CMIP: variants seen among roughly 807,000 people sequenced by gnomAD.
The protein encoded by CMIP is c-Maf inducing protein.
In CMIP, 13 loss-of-function variants were observed where a neutral mutation model predicts 97.3. The ratio of observed to expected loss-of-function variants is 0.13; its 90% confidence interval spans 0.09 to 0.21. The LOEUF (loss-of-function observed/expected upper bound fraction) is 0.21, where lower values mean the gene tolerates loss of function less well. CMIP is among the 10% of genes least tolerant of loss of function. CMIP has a pLI of 1.00. For missense variants in CMIP, 847 were observed against 1,024.9 expected, an observed-to-expected ratio of 0.83 and a Z score of 2.37; for synonymous variants, 538 against 436.3, an observed-to-expected ratio of 1.23 and a Z score of -2.91.
In CMIP at chr16:81,576,593, C is replaced by T. The variant is rs139560698; in HGVS notation, c.301-30974C>T. ...AGGTCCAGTAGGTTGCTCAGGGATA[C>T]GTAGCCAATGAGAGGCAGAGCCAGG... On this transcript the variant is annotated intron_variant, in intron 1 of 20. Transcript: ENST00000537098. Among the ~76,000 whole-genome samples, 9 of 152,214 alleles carry T rather than the reference C, an allele frequency of 5.9e-5. No homozygotes were observed. In the South Asian group the frequency reaches 6.2e-4, roughly 11 times the overall value.
At chr16:81,699,327 T>C (rs1316932299) in intron 14 of CMIP, among the ~76,000 whole-genome samples, 1 of 152,264 alleles carries the variant, frequency 6.6e-6, no homozygotes, top group Non-Finnish European at 1.5e-5. Flanking sequence ...TAGTCAGCTT[T>C]TATTGCATTT....
At chr16:81,548,651 A>G (rs2090595438) in intron 1 of CMIP, among the ~76,000 whole-genome samples, 1 of 151,236 alleles carries the variant, frequency 6.6e-6, no homozygotes, top group African/African-American at 2.4e-5. Flanking sequence ...GACCAGCCTC[A>G]GCAACATAGG....
At chr16:81,556,495 A>G (rs2090766959) in intron 1 of CMIP, among the ~76,000 whole-genome samples, 1 of 152,198 alleles carries the variant, frequency 6.6e-6, no homozygotes, top group African/African-American at 2.4e-5. Flanking sequence ...CAATGTGCCA[A>G]CGATTACTAT....
At chr16:81,476,498 A>C in intron 1 of CMIP, 1 of 715,338 alleles carries the variant, frequency 1.4e-6, no homozygotes, top group Non-Finnish European at 2.6e-6. Flanking sequence ...GCGATGTCAG[A>C]GAACACAGTG....
chr16:81,558,847 C>T (rs1251010749), intron 1 of CMIP, among the ~76,000 whole-genome samples: 2 of 152,218 alleles, frequency 1.3e-5, no homozygotes, highest in Admixed American at 6.5e-5. Context: ...CTGTTCCTCC[C>T]GCCTGCAGCC....
chr16:81,513,727 C>T (rs191428023), intron 1 of CMIP, among the ~76,000 whole-genome samples: 5 of 152,328 alleles, frequency 3.3e-5, no homozygotes, highest in African/African-American at 7.2e-5. Context: ...CAGGCCAAGC[C>T]GTTTTGCAAG....
At chr16:81,546,914 G>A (rs1043225278) in intron 1 of CMIP, among the ~76,000 whole-genome samples, 5 of 152,226 alleles carry the variant, frequency 3.3e-5, no homozygotes, top group African/African-American at 4.8e-5. Flanking sequence ...AACAGCTCTT[G>A]TACTGGAGAG....
chr16:81,672,105 G>A (rs972816025), intron 9 of CMIP, 35 bp downstream of exon 9: 4 of 1,336,512 alleles, frequency 3.0e-6, no homozygotes, highest in Non-Finnish European at 4.2e-6. Context: ...CAGAGGGCTT[G>A]GGAGGGGCAA....
chr16:81,597,579 G>A (rs1206054944), intron 1 of CMIP, among the ~76,000 whole-genome samples: 1 of 146,920 alleles, frequency 6.8e-6, no homozygotes, highest in East Asian at 2.0e-4. Flanking sequence ...GATGTGGGAG[G>A]TGAGCGAGGG....
At chr16:81,594,384 T>G (rs1213122832) in intron 1 of CMIP, among the ~76,000 whole-genome samples, 1 of 150,822 alleles carries the variant, frequency 6.6e-6, no homozygotes, top group Non-Finnish European at 1.5e-5. Context: ...CCTCCCAAAG[T>G]GCTGGGCTGA....
At chr16:81,543,654 G>A (rs186172774) in intron 1 of CMIP, among the ~76,000 whole-genome samples, 1 of 152,168 alleles carries the variant, frequency 6.6e-6, no homozygotes, top group East Asian at 1.9e-4. Flanking sequence ...CCCACCTAGA[G>A]CTAAGGTGAG....
chr16:81,601,220 G>T (rs1010884763), intron 1 of CMIP, among the ~76,000 whole-genome samples: 6 of 152,204 alleles, frequency 3.9e-5, no homozygotes, highest in African/African-American at 1.4e-4. Flanking sequence ...CTTCTTTTGG[G>T]GTCCGGGAGC....
chr16:81,611,361 G>C (rs2091828654), intron 2 of CMIP: 1 of 152,130 alleles, frequency 6.6e-6, no homozygotes, highest in African/African-American at 2.4e-5. Context: ...GTCTGGCTGT[G>C]CTGTAATGCA....
intron 1 of CMIP, chr16:81,495,209 T>C: frequency 1.1e-6 from 1 of 896,152 alleles, no homozygotes; most frequent in Non-Finnish European, 1.6e-6. Context: ...TCATCATTAC[T>C]GTAGCATAGG....
intron 1 of CMIP, among the ~76,000 whole-genome samples, chr16:81,522,131 C>T (rs1332303820): frequency 6.6e-6 from 1 of 152,198 alleles, no homozygotes; most frequent in Non-Finnish European, 1.5e-5. Flanking sequence ...AAATGTCAGA[C>T]ATCTTTGCTT....
At chr16:81,495,355 T>C in intron 1 of CMIP, 1 of 1,485,588 alleles carries the variant, frequency 6.7e-7, no homozygotes, top group South Asian at 1.4e-5. Flanking sequence ...CACAGGCTTC[T>C]TGGATGGGCT....
chr16:81,612,354 C>T (rs1482518138), intron 2 of CMIP, among the ~76,000 whole-genome samples: 2 of 152,178 alleles, frequency 1.3e-5, no homozygotes, highest in African/African-American at 4.8e-5. Context: ...CGGGACTCGG[C>T]TCTTCTCACC....
intron 1 of CMIP, among the ~76,000 whole-genome samples, chr16:81,583,547 A>T (rs1378338807): frequency 2.6e-5 from 4 of 152,166 alleles, no homozygotes; most frequent in Non-Finnish European, 5.9e-5. Context: ...TTGTCAATAG[A>T]GTTTCTCACG....
intron 1 of CMIP, among the ~76,000 whole-genome samples, chr16:81,473,159 T>C (rs564363758): frequency 1.3e-5 from 2 of 152,362 alleles, no homozygotes; most frequent in Admixed American, 6.5e-5. Context: ...CAGCTCCTGC[T>C]GCACTGGTGG....
Sources: allele counts gnomAD v4.1 joint callset (sites outside exome capture counted in the v4.1 genomes callset), GRCh38; gene constraint gnomAD v4.1.1; transcripts MANE v1.5; gene names NCBI Gene and HGNC (gene_info 2026-07-23, HGNC 2026-07-21).